The following TCEA1 variants were observed in gnomAD, a reference collection of about 807,000 sequenced individuals.
The protein encoded by TCEA1 is transcription elongation factor A1.
In TCEA1, 21 loss-of-function variants were observed where a neutral mutation model predicts 43.8. That is an observed-to-expected ratio of 0.48 (90% CI 0.34 to 0.69). The LOEUF is 0.69. Ranked by LOEUF, TCEA1 falls within the 30% of genes least tolerant of loss-of-function variation. The pLI is 0.01. For synonymous variants in TCEA1, 104 were observed against 117.5 expected (o/e 0.88, Z 0.75); for missense variants, 250 against 365.1 (o/e 0.68, Z 2.57).
rs772928441 is a variant in TCEA1, at chr8:54,010,483, A to G, written c.73T>C (p.Leu25=). Reference sequence around the variant, plus strand: ...TTCTTAAGCTCCTTTAGCAAATCCAATGCTCCAGCCTATAAAATAAAATAA... The same window carrying G: ...TTCTTAAGCTCCTTTAGCAAATCCAGTGCTCCAGCCTATAAAATAAAATAA... ...MVQKKNAAGA[L]DLLKELKNIP... is the part of the protein sequence containing the mutation. Residue 25 remains leucine, a synonymous_variant, in exon 2 of 10, where the codon TTG becomes CTG. Coordinates refer to ENST00000521604, the MANE Select transcript of TCEA1 (RefSeq NM_006756.4). 4.4e-6 allele frequency: 7 copies of G among 1,603,486 alleles called. No homozygotes were observed. The highest frequency in any genetic ancestry group is 1.1e-5 in the South Asian group (1 of 88,626).
chr8:53,990,809 A>G (rs779115378), intron 4 of TCEA1, among the ~76,000 whole-genome samples: 9 of 152,202 alleles, frequency 5.9e-5, no homozygotes, highest in Non-Finnish European at 4.4e-5. Context: ...CCCACTTCCT[A>G]CATTCTGATC....
intron 4 of TCEA1, among the ~76,000 whole-genome samples, chr8:53,992,872 C>T (rs1053085255): frequency 2.0e-5 from 3 of 151,862 alleles, no homozygotes; most frequent in Admixed American, 1.3e-4. Flanking sequence ...GGAAAGAACA[C>T]ATGCAAAGGC....
rs1320544251 is a variant in TCEA1 at position 53,973,823 on chromosome 8, C to T, written c.826-3360G>A. On this transcript the variant is annotated intron_variant, in intron 8 of 9. Coordinates refer to ENST00000521604, the MANE Select transcript of TCEA1 (RefSeq NM_006756.4). The stretch of plus-strand genomic sequence containing the variant: ...AGAAAACAAAAGCTGTGGAAAAAAC[C>T]CTTGAGGAGAAAGCCTGGCAAAGAG... 1.0e-5 allele frequency: 4 copies of T among 396,192 alleles called. No individual in the cohort carries two copies. The Admixed American group carries it at 1.5e-4, about 15-fold the overall frequency. 24.5% of individuals were successfully genotyped at this position (396,192 alleles called of 1,614,324 possible). A position where few individuals can be genotyped will look rare whatever the true frequency, so the allele number is the denominator to read the frequency against.
At chr8:53,982,785 A>G (rs1437260305) in intron 7 of TCEA1, among the ~76,000 whole-genome samples, 1 of 152,182 alleles carries the variant, frequency 6.6e-6, no homozygotes, top group Non-Finnish European at 1.5e-5. Flanking sequence ...ATTTCCTGAG[A>G]TGGAACCTAT....
chr8:53,975,198 C>T (rs899924103), intron 8 of TCEA1, among the ~76,000 whole-genome samples: 3 of 152,014 alleles, frequency 2.0e-5, no homozygotes, highest in Admixed American at 1.3e-4. Flanking sequence ...AAAAGAAGAG[C>T]ATAAAATAGT....
At chr8:53,980,619 T>C (rs375645293) in intron 7 of TCEA1, among the ~76,000 whole-genome samples, 54 of 152,214 alleles carry the variant, frequency 3.5e-4, no homozygotes, top group African/African-American at 1.2e-3. Flanking sequence ...ACAGTAAGCT[T>C]GACAAATGCT....
At chr8:54,018,810 G>A (rs1349423280) in intron 1 of TCEA1, among the ~76,000 whole-genome samples, 1 of 152,274 alleles carries the variant, frequency 6.6e-6, no homozygotes, top group East Asian at 1.9e-4. Flanking sequence ...AAAACAGCAA[G>A]TTCATACTCT....
At chr8:53,981,401 G>A (rs569167245) in intron 7 of TCEA1, among the ~76,000 whole-genome samples, 1 of 152,250 alleles carries the variant, frequency 6.6e-6, no homozygotes, top group Non-Finnish European at 1.5e-5. Context: ...TAAAGCATCT[G>A]GTGACTTCAA....
chr8:53,984,320 C>G, intron 7 of TCEA1, 43 bp downstream of exon 7: 1 of 1,541,266 alleles, frequency 6.5e-7, no homozygotes, highest in South Asian at 1.3e-5. Flanking sequence ...CACTTCACAA[C>G]ACAGAATCAC....
chr8:53,997,575 T>C (rs1804100564), intron 3 of TCEA1, among the ~76,000 whole-genome samples: 2 of 152,132 alleles, frequency 1.3e-5, no homozygotes, highest in Non-Finnish European at 2.9e-5. Flanking sequence ...AAAAAGCAGG[T>C]ACACCTCAAA....
chr8:53,978,902 G>T, intron 8 of TCEA1, 123 bp downstream of exon 8: 1 of 1,224,270 alleles, frequency 8.2e-7, no homozygotes, highest in Non-Finnish European at 1.1e-6. Flanking sequence ...CAGGGTCTTA[G>T]AACATATCCC....
intron 2 of TCEA1, among the ~76,000 whole-genome samples, chr8:54,008,815 G>A (rs563742896): frequency 4.0e-5 from 6 of 151,458 alleles, no homozygotes; most frequent in African/African-American, 1.4e-4. Flanking sequence ...TCTTCCTCCA[G>A]TCAGAATGGC....
chr8:54,009,788 T>C (rs1804591937), intron 2 of TCEA1: 1 of 152,204 alleles, frequency 6.6e-6, no homozygotes, highest in East Asian at 1.9e-4. Flanking sequence ...AATAAAACAT[T>C]ATATATTTCA....
chr8:54,003,363 C>T (rs1804332766), intron 2 of TCEA1, among the ~76,000 whole-genome samples: 1 of 152,088 alleles, frequency 6.6e-6, no homozygotes, highest in African/African-American at 2.4e-5. Flanking sequence ...AATTGACAAG[C>T]GTACCCTAAA....
rs779829839 is a variant in TCEA1, at chr8:53,993,799, C to T, written c.233-44G>A. On this transcript the variant is annotated intron_variant, in intron 3 of 9. Coordinates refer to ENST00000521604, the MANE Select transcript of TCEA1 (RefSeq NM_006756.4). ...CTTAAGTTGCTAGCATTTGTAAAAA[C>T]TAAAAACTAAAATACTGCGTTAACA... 7 of 1,487,318 alleles carry T rather than the reference C, an allele frequency of 4.7e-6. No homozygotes were observed. The Admixed American group carries it at 1.3e-4, about 27-fold the overall frequency. The allele number at this position is 1,487,318 out of a possible 1,614,324, so 92.1% of individuals were successfully genotyped here. A position where few individuals can be genotyped will look rare whatever the true frequency, so the allele number is the denominator to read the frequency against.
intron 2 of TCEA1, 167 bp downstream of exon 2, chr8:54,010,263 C>T (rs1020474809): frequency 1.7e-6 from 1 of 578,948 alleles, no homozygotes; most frequent in Non-Finnish European, 3.0e-6. Flanking sequence ...TCTATAATGG[C>T]AACTTAGTAG....
At chr8:54,015,030 A>G (rs1024687052) in intron 1 of TCEA1, among the ~76,000 whole-genome samples, 1 of 152,156 alleles carries the variant, frequency 6.6e-6, no homozygotes, top group Non-Finnish European at 1.5e-5. Flanking sequence ...TTTCTACCAT[A>G]ACAATAATCT....
intron 2 of TCEA1, among the ~76,000 whole-genome samples, chr8:54,001,966 A>G (rs755524917): frequency 2.1e-5 from 3 of 143,958 alleles, no homozygotes; most frequent in Non-Finnish European, 3.0e-5. Flanking sequence ...ATATAGTAAA[A>G]CTGTCTCTAC....
At chr8:53,984,102 A>G (rs541463450) in intron 7 of TCEA1, among the ~76,000 whole-genome samples, 1 of 152,358 alleles carries the variant, frequency 6.6e-6, no homozygotes, top group African/African-American at 2.4e-5. Flanking sequence ...CTCTGTCTCG[A>G]AAGAAAAAAA....
Sources: allele counts gnomAD v4.1 joint callset (sites outside exome capture counted in the v4.1 genomes callset), GRCh38; gene constraint gnomAD v4.1.1; transcripts MANE v1.5; gene names NCBI Gene and HGNC (gene_info 2026-07-23, HGNC 2026-07-21).